The following CACNA2D1 variants were observed in gnomAD, a reference collection of about 807,000 sequenced individuals.
The protein encoded by CACNA2D1 is voltage-dependent calcium channel subunit alpha-2/delta-1.
A neutral mutation model predicts 171.5 loss-of-function variants in CACNA2D1; 53 were observed. The ratio of observed to expected loss-of-function variants is 0.31; its 90% confidence interval spans 0.25 to 0.39. The LOEUF is 0.39. Ranked by LOEUF, CACNA2D1 falls within the 10% of genes least tolerant of loss-of-function variation. The pLI is 1.00. For missense variants in CACNA2D1, 903 were observed against 1,299.8 expected (o/e 0.69, Z 4.69); for synonymous variants, 442 against 443.1 (o/e 1.00, Z 0.03).
rs1457658847 is a variant in CACNA2D1 at position 82,393,098 on chromosome 7, GCA to G, written c.96-43451_96-43450del. Among the ~76,000 whole-genome samples the G allele has an allele frequency of 1.1e-3, 147 of 139,154 alleles. 1 individual carries two copies. The highest frequency in any genetic ancestry group is 3.9e-3 in the African/African-American group (137 of 35,420). The allele number at this position is 139,154 out of a possible 152,430, so 91.3% of individuals were successfully genotyped here. A position where few individuals can be genotyped will look rare whatever the true frequency, so the allele number is the denominator to read the frequency against. On this transcript the variant is annotated intron_variant, in intron 1 of 38. Transcript: ENST00000356860. ...GGAAGGAAGGAAGGCAGGCAGGCAGGCAGGCAGGCAGGCAGGGAGGGAGGGAG... is the reference window on the plus strand; with the variant it reads ...GGAAGGAAGGAAGGCAGGCAGGCAGGGGCAGGCAGGCAGGGAGGGAGGGAG...
chr7:82,215,012 A>G (rs1800954197), intron 3 of CACNA2D1, among the ~76,000 whole-genome samples: 1 of 152,202 alleles, frequency 6.6e-6, no homozygotes, highest in Non-Finnish European at 1.5e-5. Context: ...CCAACCCAAT[A>G]GTCCCATAGA....
intron 5 of CACNA2D1, among the ~76,000 whole-genome samples, chr7:82,131,999 T>TA (rs925983465): frequency 3.9e-5 from 6 of 152,138 alleles, no homozygotes; most frequent in Admixed American, 6.6e-5. Flanking sequence ...AATCTTTTTT[T>TA]AAAAAAAATG....
intron 12 of CACNA2D1, among the ~76,000 whole-genome samples, chr7:82,016,270 A>G (rs1800433436): frequency 6.6e-6 from 1 of 152,122 alleles, no homozygotes; most frequent in Non-Finnish European, 1.5e-5. Flanking sequence ...GCCATACCCT[A>G]AACAATCATC....
intron 3 of CACNA2D1, among the ~76,000 whole-genome samples, chr7:82,207,081 C>T (rs1800074471): frequency 6.6e-6 from 1 of 152,152 alleles, no homozygotes; most frequent in African/African-American, 2.4e-5. Flanking sequence ...AGAACAAGTC[C>T]TCTTCTATGG....
chr7:82,421,859 AC>A (rs1157986512), intron 1 of CACNA2D1, among the ~76,000 whole-genome samples: 1 of 152,202 alleles, frequency 6.6e-6, no homozygotes, highest in Non-Finnish European at 1.5e-5. Flanking sequence ...GAATGATCTT[AC>A]AGATAATTTG....
chr7:81,994,873 C>T lies in CACNA2D1; in HGVS notation c.1729G>A (p.Asp577Asn). 3 of 1,445,128 alleles carry T rather than the reference C, an allele frequency of 2.1e-6. No individual in the cohort carries two copies. Among genetic ancestry groups the T allele is most frequent in the Non-Finnish European group, 2.9e-6 (3 of 1,026,462 alleles). The allele number at this position is 1,445,128 out of a possible 1,614,324, so 89.5% of individuals were successfully genotyped here. Reference protein sequence around the residue: ...KTFRTLVKSQDERYIDKGNRT... With the variant: ...KTFRTLVKSQNERYIDKGNRT... ...AAGCTAGAATCAATTCTTACCTCAT[C>T]TTGAGATTTAACCAGAGTTCTGAAT... Residue 577 changes from aspartate (D) to asparagine (N), a missense_variant, in exon 20 of 39, where the codon GAT (aspartate) becomes AAT (asparagine). Asp to Asn is a conservative substitution (Grantham distance 23). Transcript: ENST00000356860.
chr7:82,161,982 G>A (rs1794990837), intron 4 of CACNA2D1, among the ~76,000 whole-genome samples: 1 of 152,024 alleles, frequency 6.6e-6, no homozygotes, highest in South Asian at 2.1e-4. Context: ...TAGGAAATCA[G>A]GGAAAGTGAG....
At chr7:82,356,579 A>T (rs972422866) in intron 1 of CACNA2D1, among the ~76,000 whole-genome samples, 3 of 152,158 alleles carry the variant, frequency 2.0e-5, no homozygotes, top group Non-Finnish European at 1.5e-5. Flanking sequence ...TTTTTATGAC[A>T]GTGCTTTGAA....
At chr7:82,039,111 C>T (rs553649967) in intron 10 of CACNA2D1, among the ~76,000 whole-genome samples, 1 of 151,968 alleles carries the variant, frequency 6.6e-6, no homozygotes, top group East Asian at 1.9e-4. Context: ...GTCACATCTG[C>T]AGAATGGGAA....
In CACNA2D1 at chr7:82,033,853, T is replaced by C. The variant is rs1803000297; in HGVS notation, c.1039-952A>G. On this transcript the variant is annotated intron_variant, in intron 11 of 38. Transcript: ENST00000356860. ...TTCTACTGTTGTGAAATGTGTTTGC[T>C]TTAAATGCTGAGAATAAAAGATCAC... Among the ~76,000 whole-genome samples, 3 of 152,136 alleles carry C rather than the reference T, an allele frequency of 2.0e-5. No individual in the cohort carries two copies. The South Asian group carries it at 6.2e-4, about 31-fold the overall frequency.
chr7:82,132,215 G>A (rs1791073594), intron 5 of CACNA2D1, among the ~76,000 whole-genome samples: 1 of 152,000 alleles, frequency 6.6e-6, no homozygotes, highest in East Asian at 1.9e-4. Context: ...TCCCCCAAAG[G>A]GTTTGATTAT....
intron 12 of CACNA2D1, among the ~76,000 whole-genome samples, chr7:82,026,761 T>C (rs1016154678): frequency 7.2e-5 from 11 of 151,730 alleles, no homozygotes; most frequent in African/African-American, 1.2e-4. Flanking sequence ...TATTTGAAGA[T>C]GGTGAAAAAT....
At chr7:82,003,932 A>G (rs1202256058) in intron 18 of CACNA2D1, among the ~76,000 whole-genome samples, 1 of 151,992 alleles carries the variant, frequency 6.6e-6, no homozygotes, top group Non-Finnish European at 1.5e-5. Flanking sequence ...TTTAGTAGAG[A>G]CAGGGTTTCA....
chr7:82,050,712 A>T (rs1354364182), intron 10 of CACNA2D1: 9 of 689,108 alleles, frequency 1.3e-5, no homozygotes, highest in Non-Finnish European at 2.4e-5. Context: ...GTCTCCCAAC[A>T]GTTGGTGGAA....
rs552870755 is a variant in CACNA2D1 at position 82,408,778 on chromosome 7, G to A, written c.95+34587C>T. ...AAAGCTACCATTTTACATAAGCACCGTATTCAGGTACCAGGCAGTTGTAAA... is the reference window on the plus strand; with the variant it reads ...AAAGCTACCATTTTACATAAGCACCATATTCAGGTACCAGGCAGTTGTAAA... On this transcript the variant is annotated intron_variant, in intron 1 of 38. Coordinates refer to ENST00000356860, the MANE Select transcript of CACNA2D1 (RefSeq NM_000722.4). 4.6e-5 allele frequency among the ~76,000 whole-genome samples: 7 copies of A among 152,202 alleles called. No homozygotes were observed. In the South Asian group the frequency reaches 1.2e-3, roughly 27 times the overall value.
At position 82,026,047 on chromosome 7, in the gene CACNA2D1, GT is replaced by G. The variant is rs1224426188; in HGVS notation, c.1143+6749del. Among the ~76,000 whole-genome samples, 616 of 132,686 alleles carry G rather than the reference GT, an allele frequency of 4.6e-3. 1 individual carries two copies. The highest frequency in any genetic ancestry group is 0.01 in the African/African-American group (370 of 36,638). 87.0% of individuals were successfully genotyped at this position (132,686 alleles called of 152,430 possible). Reference sequence around the variant, plus strand: ...TAACATCCTTCTTTGTCTCGTGTCAGTTTTTTTTTTTTTTTTACTTAAAGCC... The same window carrying G: ...TAACATCCTTCTTTGTCTCGTGTCAGTTTTTTTTTTTTTTTACTTAAAGCC... On this transcript the variant is annotated intron_variant, in intron 12 of 38. Coordinates refer to ENST00000356860, the MANE Select transcript of CACNA2D1 (RefSeq NM_000722.4).
At chr7:82,290,060 AT>A (rs1243471189) in intron 3 of CACNA2D1, among the ~76,000 whole-genome samples, 1 of 152,224 alleles carries the variant, frequency 6.6e-6, no homozygotes, top group Non-Finnish European at 1.5e-5. Flanking sequence ...TTGAAATATC[AT>A]TTCAGAAGTT....
chr7:82,302,856 T>C lies in CACNA2D1; in HGVS notation c.294+32279A>G, dbSNP rs545580279. Among the ~76,000 whole-genome samples the C allele has an allele frequency of 5.9e-5, 9 of 152,332 alleles. No homozygotes were observed. The East Asian group carries it at 1.7e-3, about 29-fold the overall frequency. On this transcript the variant is annotated intron_variant, in intron 3 of 38. Coordinates refer to ENST00000356860, the MANE Select transcript of CACNA2D1 (RefSeq NM_000722.4). ...AATATAATTGTCTACTAAAGGGGAA[T>C]AGTTAAGTAAATCCTAGAATGTCTA...
chr7:82,167,192 A>G (rs1795542812), intron 4 of CACNA2D1, among the ~76,000 whole-genome samples: 1 of 152,096 alleles, frequency 6.6e-6, no homozygotes, highest in African/African-American at 2.4e-5. Context: ...AGATAAAAGA[A>G]TTATAAAGTT....
Sources: gnomAD v4.1 joint callset for allele counts (sites outside exome capture counted in the v4.1 genomes callset) on GRCh38, gnomAD v4.1.1 for gene constraint, MANE v1.5 for transcripts, NCBI Gene and HGNC (gene_info 2026-07-23, HGNC 2026-07-21) for gene names.